The following KCNQ3 variants were observed in gnomAD, a reference collection of about 807,000 sequenced individuals.
KCNQ3 encodes the protein potassium voltage-gated channel subfamily KQT member 3.
KCNQ3 carries 30 observed loss-of-function variants against 92.5 expected under a neutral mutation model. The ratio of observed to expected loss-of-function variants is 0.32; its 90% CI spans 0.24 to 0.44. The LOEUF (loss-of-function observed/expected upper bound fraction) is 0.44. Among genes scored for constraint, KCNQ3 ranks in the 20% least tolerant of loss-of-function variants. The pLI is 1.00. For missense variants in KCNQ3, 913 were observed against 1,140.3 expected (o/e 0.80, Z 2.87); for synonymous variants, 450 against 468.8 (o/e 0.96, Z 0.52).
intron 1 of KCNQ3, among the ~76,000 whole-genome samples, chr8:132,341,994 CT>C: frequency 6.6e-6 from 1 of 152,276 alleles, no homozygotes; most frequent in Non-Finnish European, 1.5e-5. Flanking sequence ...GTTCTTTCTG[CT>C]TGTTAAGCAA....
intron 1 of KCNQ3, among the ~76,000 whole-genome samples, chr8:132,426,763 G>T (rs1234522024): frequency 6.6e-6 from 1 of 152,158 alleles, no homozygotes; most frequent in Non-Finnish European, 1.5e-5. Flanking sequence ...AATTCCTATG[G>T]TCTCACTACA....
At chr8:132,311,763 T>C (rs1166485736) in intron 1 of KCNQ3, among the ~76,000 whole-genome samples, 1 of 151,908 alleles carries the variant, frequency 6.6e-6, no homozygotes, top group African/African-American at 2.4e-5. Flanking sequence ...GACACTGTCC[T>C]ATGAAAGAGA....
intron 4 of KCNQ3, 125 bp from the exon 5 acceptor site, chr8:132,175,733 C>T: frequency 6.0e-6 from 5 of 839,550 alleles, no homozygotes; most frequent in Non-Finnish European, 1.0e-5. Context: ...AAATCACTCA[C>T]CTTCTCTGAT....
chr8:132,183,775 C>T (rs564338787), intron 3 of KCNQ3, among the ~76,000 whole-genome samples: 38 of 152,316 alleles, frequency 2.5e-4, no homozygotes, highest in African/African-American at 9.1e-4. Flanking sequence ...GATCTGTGAT[C>T]CTCTGTTTCT....
intron 3 of KCNQ3, among the ~76,000 whole-genome samples, chr8:132,182,926 C>T (rs990478717): frequency 2.2e-4 from 33 of 151,256 alleles, no homozygotes; most frequent in Non-Finnish European, 2.9e-4. Flanking sequence ...ACATACCTTC[C>T]GTACATTCAA....
At chr8:132,391,780 T>A (rs1348762619) in intron 1 of KCNQ3, among the ~76,000 whole-genome samples, 3 of 152,180 alleles carry the variant, frequency 2.0e-5, no homozygotes, top group African/African-American at 7.2e-5. Context: ...CCAGCCAGCC[T>A]TCTGCACCAC....
At chr8:132,385,748 C>G (rs2258309) in intron 1 of KCNQ3, among the ~76,000 whole-genome samples, 82,545 of 151,796 alleles carry the variant, frequency 0.54, 25,349 homozygotes, top group African/African-American at 0.85. Flanking sequence ...TGTATGGGTA[C>G]AAAGTTACAG....
rs555373358 is a variant in KCNQ3, at chr8:132,460,758, A to C, written c.386+19389T>G. On this transcript the variant is annotated intron_variant, in intron 1 of 14. Coordinates refer to ENST00000388996, the MANE Select transcript of KCNQ3 (RefSeq NM_004519.4). Reference sequence around the variant, plus strand: ...ATAATTTTTTAAATTTACAAACACAAGGCTCAATTTTTGTGCCATGAAGTT... The same window carrying C: ...ATAATTTTTTAAATTTACAAACACACGGCTCAATTTTTGTGCCATGAAGTT... Among the ~76,000 whole-genome samples the C allele has an allele frequency of 1.6e-4, 24 of 152,306 alleles. No individual in the cohort carries two copies. In the South Asian group the frequency reaches 3.9e-3, roughly 25 times the overall value.
At chr8:132,280,705 G>A (rs779319613) in intron 1 of KCNQ3, among the ~76,000 whole-genome samples, 36 of 152,218 alleles carry the variant, frequency 2.4e-4, no homozygotes, top group Non-Finnish European at 2.9e-4. Context: ...AGCCAGCCAT[G>A]AGAAGATATA....
At position 132,171,006 on chromosome 8, in the gene KCNQ3, A is replaced by G. The variant is rs140148741; in HGVS notation, c.1141-578T>C. ...TGCACTCCAACCTGGGTATAGAGTA[A>G]AAGACCCTGTCTCAAAAAAAAGTAA... On this transcript the variant is annotated intron_variant, in intron 7 of 14. Coordinates refer to ENST00000388996, the MANE Select transcript of KCNQ3 (RefSeq NM_004519.4). Among the ~76,000 whole-genome samples the G allele has an allele frequency of 3.3e-4, 50 of 152,172 alleles. 1 individual carries two copies. In the East Asian group the frequency reaches 9.5e-3, roughly 29 times the overall value.
intron 1 of KCNQ3, among the ~76,000 whole-genome samples, chr8:132,364,690 C>T (rs201929064): frequency 0.072 from 10,582 of 147,590 alleles, 556 homozygotes; most frequent in African/African-American, 0.16. Flanking sequence ...GACGGACGGA[C>T]GGACGGATGG....
intron 1 of KCNQ3, among the ~76,000 whole-genome samples, chr8:132,409,526 C>T (rs1380080096): frequency 8.5e-5 from 13 of 152,142 alleles, no homozygotes; most frequent in East Asian, 1.9e-4. Context: ...CTGCTTAACA[C>T]GTCTTGGTTC....
intron 7 of KCNQ3, among the ~76,000 whole-genome samples, chr8:132,172,240 CTATT>C (rs1210441691): frequency 1.3e-5 from 2 of 152,040 alleles, no homozygotes; most frequent in Admixed American, 6.6e-5. Context: ...AGTTCTGTGT[CTATT>C]TCTTTCTTGG....
chr8:132,382,778 C>T (rs1364480439), intron 1 of KCNQ3, among the ~76,000 whole-genome samples: 1 of 152,072 alleles, frequency 6.6e-6, no homozygotes, highest in African/African-American at 2.4e-5. Context: ...CACGGGCATA[C>T]CATCCTTGGT....
chr8:132,433,965 T>C (rs1821318213), intron 1 of KCNQ3, among the ~76,000 whole-genome samples: 2 of 151,886 alleles, frequency 1.3e-5, no homozygotes, highest in Admixed American at 1.3e-4. Context: ...TCCCAGCACT[T>C]TGGGAGGCCG....
chr8:132,437,200 A>AC (rs1186577805), intron 1 of KCNQ3, among the ~76,000 whole-genome samples: 1 of 150,692 alleles, frequency 6.6e-6, no homozygotes, highest in Non-Finnish European at 1.5e-5. Context: ...AATGGCGTGA[A>AC]CCCCAGGGGG....
intron 1 of KCNQ3, among the ~76,000 whole-genome samples, chr8:132,444,022 C>A (rs911406691): frequency 2.0e-5 from 3 of 152,162 alleles, no homozygotes; most frequent in East Asian, 3.9e-4. Context: ...CAAGAGGTAC[C>A]GAGAGGTTCA....
At position 132,172,655 on chromosome 8, in the gene KCNQ3, C is replaced by A; in HGVS notation, c.1083G>T (p.Glu361Asp). ...TCTCAAAGTGCTTCTGACGGTGTTGCTCCTGCACCTTGAGGGCCAGCCCGG... is the reference window on the plus strand; with the variant it reads ...TCTCAAAGTGCTTCTGACGGTGTTGATCCTGCACCTTGAGGGCCAGCCCGG... ...LGSGLALKVQ[E>D]QHRQKHFEKR... The change falls in exon 7 of 15, where the codon GAG (glutamate) becomes GAT (aspartate). Residue 361 changes from glutamate (E) to aspartate (D), a missense_variant. Glu to Asp is a conservative substitution (Grantham distance 45, BLOSUM62 2). Around this residue, in one of 6 missense-constraint regions of KCNQ3, gnomAD observed 52 missense variants for 127.7 expected, o/e 0.41. Transcript: ENST00000388996. 1 of 1,614,016 alleles carries A rather than the reference C, an allele frequency of 6.2e-7. No homozygotes were observed. Among genetic ancestry groups the A allele is most frequent in the Non-Finnish European group, 8.5e-7 (1 of 1,180,030 alleles).
chr8:132,458,012 G>A (rs950457297), intron 1 of KCNQ3, among the ~76,000 whole-genome samples: 18 of 152,154 alleles, frequency 1.2e-4, no homozygotes, highest in Admixed American at 5.2e-4. Context: ...TGAGGTCTTT[G>A]AAGGTAGAAG....
Sources: allele counts gnomAD v4.1 joint callset (sites outside exome capture counted in the v4.1 genomes callset), GRCh38; gene constraint gnomAD v4.1.1; regional missense constraint gnomAD v4.1.1; transcripts MANE v1.5; gene names NCBI Gene and HGNC (gene_info 2026-07-23, HGNC 2026-07-21).